Variants in COMMD6 observed in about 807,000 individuals in gnomAD.
COMMD6 encodes COMM domain containing 6.
A neutral mutation model predicts 13.4 loss-of-function variants in COMMD6; 11 were observed. The ratio of observed to expected loss-of-function variants is 0.82; its 90% confidence interval spans 0.52 to 1.36. The LOEUF is 1.36. Ranked by LOEUF, COMMD6 falls within the 40% of genes most tolerant of loss-of-function variation. The probability of loss-of-function intolerance (pLI) is 0.00; values close to 1 mark genes in which losing one functional copy is unlikely to be tolerated. For synonymous variants in COMMD6, 43 were observed against 36.5 expected (o/e 1.18, Z -0.64); for missense variants, 124 against 102.4 (o/e 1.21, Z -0.91).
intron 3 of COMMD6, 196 bp downstream of exon 3, chr13:75,529,918 C>G: frequency 1.9e-6 from 1 of 537,054 alleles, no homozygotes; most frequent in South Asian, 2.6e-5. Flanking sequence ...AACTTCAGCA[C>G]ATTATATTGA....
intron 2 of COMMD6, 189 bp from the exon 3 acceptor site, chr13:75,530,455 T>C (rs2030433541): frequency 2.6e-6 from 1 of 388,478 alleles, no homozygotes; most frequent in African/African-American, 2.1e-5. Flanking sequence ...TTATAAGGGA[T>C]ATAAACAGTT....
intron 3 of COMMD6, among the ~76,000 whole-genome samples, chr13:75,527,200 G>A (rs139033395): frequency 3.9e-5 from 6 of 152,266 alleles, no homozygotes; most frequent in Admixed American, 2.0e-4. Context: ...TTGTTCTTCT[G>A]TCTTCTCCTG....
At chr13:75,533,869 TGGC>T in intron 2 of COMMD6, among the ~76,000 whole-genome samples, 1 of 152,184 alleles carries the variant, frequency 6.6e-6, no homozygotes, top group Non-Finnish European at 1.5e-5. Flanking sequence ...GTTCAGAAAG[TGGC>T]TAAAAATCCA....
chr13:75,530,310 C>T (rs777926978), intron 2 of COMMD6, 44 bp from the exon 3 acceptor site: 2 of 1,476,816 alleles, frequency 1.4e-6, no homozygotes, highest in Non-Finnish European at 1.9e-6. Context: ...AGTAACATTA[C>T]CTGGAATGCA....
chr13:75,527,670 C>A, intron 3 of COMMD6: 1 of 721,766 alleles, frequency 1.4e-6, no homozygotes, highest in Non-Finnish European at 1.9e-6. Flanking sequence ...TATCACACAG[C>A]CATAAAAAAG....
chr13:75,535,679 C>G (rs575183661), intron 2 of COMMD6, among the ~76,000 whole-genome samples: 114 of 152,276 alleles, frequency 7.5e-4, no homozygotes, highest in African/African-American at 2.7e-3. Flanking sequence ...ATTTGGGGGA[C>G]AGCAATTTGC....
At position 75,526,125 on chromosome 13, in the gene COMMD6, T is replaced by G. The variant is rs2030243841; in HGVS notation, c.*464A>C. 1 of 152,376 alleles carries G rather than the reference T, an allele frequency of 6.6e-6. No individual in the cohort carries two copies. Among genetic ancestry groups the G allele is most frequent in the South Asian group, 2.1e-4 (1 of 4,838 alleles). The allele number at this position is 152,376 out of a possible 1,614,324, so 9.4% of individuals were successfully genotyped here. A position where few individuals can be genotyped will look rare whatever the true frequency, so the allele number is the denominator to read the frequency against. On this transcript the variant is annotated 3_prime_UTR_variant, in exon 4 of 4. Transcript: ENST00000682242. ...AAAAAAGAAGCCTCACTCTTCTGAT[T>G]GCCATTATAATAAGTGATGGCTATA... is the stretch of plus-strand genomic sequence containing the variant.
chr13:75,548,705 G>C (rs2030960965), intron 1 of COMMD6, among the ~76,000 whole-genome samples: 1 of 152,086 alleles, frequency 6.6e-6, no homozygotes, highest in Non-Finnish European at 1.5e-5. Flanking sequence ...TGTTTACCGA[G>C]CATTTTCTAT....
chr13:75,534,804 T>C (rs926562837), intron 2 of COMMD6, among the ~76,000 whole-genome samples: 2 of 152,230 alleles, frequency 1.3e-5, no homozygotes, highest in Non-Finnish European at 2.9e-5. Context: ...CTGAAGTTAC[T>C]AGTAATATAA....
intron 3 of COMMD6, chr13:75,528,001 GCACACA>G (rs57959582): frequency 0.22 from 61,067 of 281,730 alleles, 3,602 homozygotes; most frequent in Middle Eastern, 0.33. Context: ...CATGCCCTCA[GCACACA>G]CACACACACA....
At chr13:75,532,139 A>C (rs2030502545) in intron 2 of COMMD6, among the ~76,000 whole-genome samples, 1 of 152,218 alleles carries the variant, frequency 6.6e-6, no homozygotes, top group African/African-American at 2.4e-5. Flanking sequence ...AGAAGTGGGC[A>C]TTGATTGAAG....
intron 3 of COMMD6, among the ~76,000 whole-genome samples, chr13:75,528,255 T>C (rs897728846): frequency 6.6e-6 from 1 of 152,042 alleles, no homozygotes; most frequent in African/African-American, 2.4e-5. Flanking sequence ...AAAAAATTTC[T>C]AGAGGTGGAA....
At chr13:75,530,701 T>A (rs9543960) in intron 2 of COMMD6, among the ~76,000 whole-genome samples, 53,638 of 152,154 alleles carry the variant, frequency 0.35, 9,857 homozygotes, top group East Asian at 0.51. Flanking sequence ...CCCTGGGTGA[T>A]GTGCTATGCA....
intron 3 of COMMD6, chr13:75,527,901 C>A: frequency 6.9e-7 from 1 of 1,458,406 alleles, no homozygotes; most frequent in Non-Finnish European, 9.1e-7. Context: ...CTTTTGGTTA[C>A]AAAATGAGTA....
chr13:75,538,064 T>G (rs970914772), upstream of COMMD6: 1 of 412,634 alleles, frequency 2.4e-6, no homozygotes, highest in East Asian at 3.7e-5. Context: ...TAATTAAATT[T>G]AGGATGCCGC....
intron 1 of COMMD6, among the ~76,000 whole-genome samples, chr13:75,544,935 A>AAAAAAC (rs1439088189): frequency 1.3e-5 from 2 of 151,110 alleles, no homozygotes; most frequent in Non-Finnish European, 3.0e-5. Flanking sequence ...CCAAAAAAAA[A>AAAAAAC]AAAAAAACAA....
chr13:75,545,673 A>G lies in COMMD6; in HGVS notation n.106+3650T>C, dbSNP rs555629411. 3.3e-5 allele frequency among the ~76,000 whole-genome samples: 5 copies of G among 152,188 alleles called. No homozygotes were observed. The East Asian group carries it at 9.7e-4, about 29-fold the overall frequency. ...TTTTTAGTAGAGACCGGGTTTCACC[A>G]TGTTAGCCAGGATGGTCTAGATCTC... On this transcript the variant is annotated intron_variant and non_coding_transcript_variant, in intron 1 of 2. Transcript: ENST00000460675.
chr13:75,540,124 C>G (rs187690401), upstream of COMMD6, among the ~76,000 whole-genome samples: 4 of 152,130 alleles, frequency 2.6e-5, no homozygotes, highest in Admixed American at 2.6e-4. Flanking sequence ...GCGCATGCCA[C>G]CATGCCCAGC....
rs2030655991 is a variant in COMMD6, at chr13:75,536,143, AG to A, written c.54+1520del. Among the ~76,000 whole-genome samples the A allele has an allele frequency of 2.0e-5, 3 of 152,170 alleles. No individual in the cohort carries two copies. In the South Asian group the frequency reaches 6.2e-4, roughly 32 times the overall value. ...CTTAAGCAATCCTCCCAAAGCCCTG[AG>A]CTTACAGTCATGAGCCACCATGGCT... On this transcript the variant is annotated intron_variant, in intron 2 of 3. Transcript: ENST00000682242.
Sources: gnomAD v4.1 joint callset for allele counts (sites outside exome capture counted in the v4.1 genomes callset) on GRCh38, gnomAD v4.1.1 for gene constraint, MANE v1.5 for transcripts, NCBI Gene and HGNC (gene_info 2026-07-23, HGNC 2026-07-21) for gene names.